Variants in NOL4L observed in about 807,000 individuals in gnomAD.
The protein encoded by NOL4L is nucleolar protein 4-like.
A neutral mutation model predicts 64.5 loss-of-function variants in NOL4L; 7 were observed. The ratio of observed to expected loss-of-function variants is 0.11; its 90% CI spans 0.06 to 0.20. NOL4L has a LOEUF of 0.20. NOL4L is among the 10% of genes least tolerant of loss of function. NOL4L has a pLI of 1.00. For missense variants in NOL4L, 680 were observed against 967.1 expected (o/e 0.70, Z 3.94); for synonymous variants, 413 against 401.0 (o/e 1.03, Z -0.36).
intron 5 of NOL4L, among the ~76,000 whole-genome samples, chr20:32,465,481 G>A (rs539553234): frequency 2.0e-5 from 3 of 152,356 alleles, no homozygotes; most frequent in South Asian, 2.1e-4. Context: ...CTGATGCCCC[G>A]GGGAAGCGCT....
intron 4 of NOL4L, among the ~76,000 whole-genome samples, chr20:32,494,388 G>GCACA: frequency 6.6e-6 from 1 of 151,044 alleles, no homozygotes; most frequent in African/African-American, 2.4e-5. Flanking sequence ...GGGGTACCCA[G>GCACA]CACACAGAAG....
intron 1 of NOL4L, among the ~76,000 whole-genome samples, chr20:32,578,292 A>T (rs994472140): frequency 1.3e-5 from 2 of 152,154 alleles, no homozygotes; most frequent in Non-Finnish European, 2.9e-5. Context: ...AGTGGACTCA[A>T]GAGTTCTTGT....
intron 4 of NOL4L, among the ~76,000 whole-genome samples, chr20:32,504,019 A>T (rs576395501): frequency 6.3e-4 from 96 of 152,126 alleles, no homozygotes; most frequent in Non-Finnish European, 1.1e-3. Flanking sequence ...CACATTTTTT[A>T]TATTTAGTAG....
At chr20:32,472,266 A>C (rs2015077857) in intron 5 of NOL4L, among the ~76,000 whole-genome samples, 1 of 152,236 alleles carries the variant, frequency 6.6e-6, no homozygotes. Flanking sequence ...CCATGTTCGC[A>C]ACCGAGTCCC....
intron 1 of NOL4L, among the ~76,000 whole-genome samples, chr20:32,531,369 T>C (rs182940388): frequency 8.8e-6 from 1 of 113,062 alleles, no homozygotes; most frequent in Admixed American, 8.8e-5. Flanking sequence ...TTCTATACCT[T>C]TTTTTTTTTT....
At chr20:32,536,611 G>A (rs1339397504) in intron 1 of NOL4L, among the ~76,000 whole-genome samples, 2 of 149,060 alleles carry the variant, frequency 1.3e-5, no homozygotes, top group African/African-American at 2.4e-5. Context: ...CGGCTCGCGC[G>A]GGCTCCTCGC....
chr20:32,451,140 T>G (rs2012859408), intron 10 of NOL4L, among the ~76,000 whole-genome samples: 1 of 152,124 alleles, frequency 6.6e-6, no homozygotes, highest in African/African-American at 2.4e-5. Context: ...GCCAAGACCT[T>G]GCACCAGGGT....
chr20:32,477,172 A>G (rs926820999), intron 4 of NOL4L, among the ~76,000 whole-genome samples: 3 of 152,210 alleles, frequency 2.0e-5, no homozygotes, highest in Non-Finnish European at 2.9e-5. Flanking sequence ...ATAACAACAG[A>G]AGGCAAAGCT....
chr20:32,581,106 TAA>T (rs1374895778), intron 1 of NOL4L, among the ~76,000 whole-genome samples: 1 of 152,142 alleles, frequency 6.6e-6, no homozygotes, highest in Non-Finnish European at 1.5e-5. Context: ...GCTCTTGTCA[TAA>T]AGAGATCTTA....
Position 32,544,991 on chromosome 20 carries a change from AG to A in NOL4L, c.322-17079del, listed in dbSNP as rs1386960186. Among the ~76,000 whole-genome samples, 162 of 152,354 alleles carry A rather than the reference AG, an allele frequency of 1.1e-3. 1 individual carries two copies. The highest frequency in any genetic ancestry group is 3.6e-3 in the African/African-American group (150 of 41,586). On this transcript the variant is annotated intron_variant, in intron 1 of 10. Transcript: ENST00000621426. The stretch of plus-strand genomic sequence containing the variant: ...GGAATTGACAGCCAGGTTCAGATCT[AG>A]GCAGTGTGACTCCAGACCCACACCA...
intron 2 of NOL4L, among the ~76,000 whole-genome samples, chr20:32,521,447 C>T (rs368895145): frequency 2.6e-5 from 4 of 152,332 alleles, no homozygotes; most frequent in African/African-American, 9.6e-5. Flanking sequence ...ACTTTTCAAA[C>T]TAGACAGGCT....
intron 5 of NOL4L, among the ~76,000 whole-genome samples, chr20:32,468,845 G>A (rs965551333): frequency 2.0e-5 from 3 of 146,814 alleles, no homozygotes; most frequent in African/African-American, 5.1e-5. Flanking sequence ...GTTGCAGTGA[G>A]CCGAGATTAC....
At chr20:32,552,873 G>A (rs1199667829) in intron 1 of NOL4L, among the ~76,000 whole-genome samples, 1 of 152,068 alleles carries the variant, frequency 6.6e-6, no homozygotes, top group African/African-American at 2.4e-5. Context: ...GCATGGTGGC[G>A]CATGCCTGTA....
At chr20:32,457,696 G>A (rs2013684604) in intron 5 of NOL4L, among the ~76,000 whole-genome samples, 1 of 152,170 alleles carries the variant, frequency 6.6e-6, no homozygotes, top group Non-Finnish European at 1.5e-5. Flanking sequence ...GGCTGCAGCA[G>A]GTCCCCTGGG....
rs79950708 is a variant in NOL4L, at chr20:32,575,023, C to T, written c.321+9547G>A. ...CAACCGCTGGTCCGTCGAGGAAACC[C>T]GTCACGCCTTTCTCCCCTCACCTCA... On this transcript the variant is annotated intron_variant, in intron 1 of 10. Coordinates refer to ENST00000621426, the MANE Select transcript of NOL4L (RefSeq NM_001256798.2). Among the ~76,000 whole-genome samples the T allele has an allele frequency of 1.6e-4, 25 of 152,290 alleles. No homozygotes were observed. In the East Asian group the frequency reaches 1.7e-3, roughly 11 times the overall value.
chr20:32,492,598 ACAGCAAGC>A (rs1236235020), intron 4 of NOL4L, among the ~76,000 whole-genome samples: 3 of 152,180 alleles, frequency 2.0e-5, no homozygotes, highest in African/African-American at 7.2e-5. Context: ...AAAAGGGGAA[ACAGCAAGC>A]CAGGTCAGCT....
chr20:32,569,151 A>G (rs551487307), intron 1 of NOL4L, among the ~76,000 whole-genome samples: 7 of 152,244 alleles, frequency 4.6e-5, no homozygotes, highest in South Asian at 4.1e-4. Flanking sequence ...GAGTGATAGG[A>G]ACCAACGACA....
rs199847670 is a variant in NOL4L at position 32,456,113 on chromosome 20, C to T, written c.1119+5G>A. The T allele has an allele frequency of 1.6e-5, 24 of 1,499,190 alleles. No homozygotes were observed. Among genetic ancestry groups the T allele is most frequent in the Non-Finnish European group, 2.0e-5 (22 of 1,122,648 alleles). 92.9% of individuals were successfully genotyped at this position (1,499,190 alleles called of 1,614,324 possible). On this transcript the variant is annotated splice_donor_5th_base_variant and intron_variant, in intron 6 of 10. Coordinates refer to ENST00000621426, the MANE Select transcript of NOL4L (RefSeq NM_001256798.2). ...GAAATGGACTCAGCCCCCAGCCCCA[C>T]ACACCTCGGGGGTGGTCTTCACCCC...
chr20:32,585,228 CG>C lies in NOL4L; in HGVS notation c.-339del, dbSNP rs1980812259. On this transcript the variant is annotated 5_prime_UTR_variant, in exon 1 of 11. Coordinates refer to ENST00000621426, the MANE Select transcript of NOL4L (RefSeq NM_001256798.2). The stretch of plus-strand genomic sequence containing the variant: ...GGGGGCGGGCCGCCCCGCGGGCGGC[CG>C]GGGGAGGCGGGAGGCGGGGAGCGGC... 7.0e-6 allele frequency among the ~76,000 whole-genome samples: 1 copy of C among 143,456 alleles called. No individual in the cohort carries two copies. Among genetic ancestry groups the C allele is most frequent in the African/African-American group, 2.6e-5 (1 of 39,134 alleles). The allele number at this position is 143,456 out of a possible 152,430, so 94.1% of individuals were successfully genotyped here. A position where few individuals can be genotyped will look rare whatever the true frequency, so the allele number is the denominator to read the frequency against.
Sources: gnomAD v4.1 joint callset for allele counts (sites outside exome capture counted in the v4.1 genomes callset) on GRCh38, gnomAD v4.1.1 for gene constraint, MANE v1.5 for transcripts, NCBI Gene and HGNC (gene_info 2026-07-23, HGNC 2026-07-21) for gene names.